Variants in DLL1 observed in about 807,000 individuals in gnomAD.
DLL1 encodes the protein delta-like protein 1.
Under a neutral mutation model 75.1 loss-of-function variants are expected in DLL1, and 9 were observed. The observed-to-expected ratio is 0.12, with a 90% CI of 0.07 to 0.21. DLL1 has a LOEUF of 0.21. Ranked by LOEUF, DLL1 falls within the 10% of genes least tolerant of loss-of-function variation. The probability of loss-of-function intolerance (pLI) is 1.00; values close to 1 mark genes in which losing one functional copy is unlikely to be tolerated. For missense variants in DLL1, 837 were observed against 1,007.6 expected (o/e 0.83, Z 2.29); for synonymous variants, 477 against 418.3 (o/e 1.14, Z -1.71).
rs1583158907 is a variant in DLL1, at chr6:170,290,824, G to A, written c.-685C>T. 8.1e-6 allele frequency: 5 copies of A among 617,208 alleles called. No homozygotes were observed. The highest frequency in any genetic ancestry group is 5.6e-5 in the South Asian group (3 of 53,444). 38.2% of individuals were successfully genotyped at this position (617,208 alleles called of 1,614,324 possible). ...CCATCCAGTACACACGCGCAGGACC[G>A]GAGGGGCCGGGCCGTGGGAGGAGGC... is the stretch of plus-strand genomic sequence containing the variant. On this transcript the variant is annotated 5_prime_UTR_variant, in exon 1 of 11. Coordinates refer to ENST00000366756, the MANE Select transcript of DLL1 (RefSeq NM_005618.4). This position sits in a 1 kb window ranked among gnomAD's most constrained non-coding sequence, Gnocchi z 4.7.
rs1322441846 is a variant in DLL1 at position 170,282,328 on chromosome 6, AT to A, written c.*545del. ...CATAAATACATTTATATACAAAAAA[AT>A]ATAGTCACATAGACCCGAAGTGCCT... On this transcript the variant is annotated 3_prime_UTR_variant, in exon 11 of 11. Transcript: ENST00000366756. 1 of 156,484 alleles carries A rather than the reference AT, an allele frequency of 6.4e-6. No homozygotes were observed. The highest frequency in any genetic ancestry group is 1.4e-5 in the Non-Finnish European group (1 of 70,422). 9.7% of individuals were successfully genotyped at this position (156,484 alleles called of 1,614,324 possible).
intron 2 of DLL1, chr6:170,289,088 G>T: frequency 1.7e-6 from 1 of 585,924 alleles, no homozygotes. Flanking sequence ...GGGTGGAAGA[G>T]GCCCGAGGGC....
In DLL1 at chr6:170,290,005, C is replaced by T; in HGVS notation, c.54+81G>A. ...TGGCGCGGCCCGTGCCGCTGTCCGC[C>T]CCTCCCCGCGCGCTCCTGCCCCGCG... On this transcript the variant is annotated intron_variant, in intron 1 of 10. Transcript: ENST00000366756. This position sits in a 1 kb window ranked among gnomAD's most constrained non-coding sequence, Gnocchi z 4.7. 7.3e-7 allele frequency: 1 copy of T among 1,373,382 alleles called. No homozygotes were observed. Among genetic ancestry groups the T allele is most frequent in the African/African-American group, 1.5e-5 (1 of 65,596 alleles). 85.1% of individuals were successfully genotyped at this position (1,373,382 alleles called of 1,614,324 possible).
In DLL1 at chr6:170,285,466, GA is replaced by G. The variant is rs776790249; in HGVS notation, c.863-44del. 41 of 1,614,148 alleles carry G rather than the reference GA, an allele frequency of 2.5e-5. 1 individual carries two copies. In the South Asian group the frequency reaches 3.5e-4, roughly 14 times the overall value. ...AGGAAAAGTAGGAGATAGGAAGCTCGACATCAAATGCAGGAAGACTTTATTT... is the reference window on the plus strand; with the variant it reads ...AGGAAAAGTAGGAGATAGGAAGCTCGCATCAAATGCAGGAAGACTTTATTT... On this transcript the variant is annotated intron_variant, in intron 6 of 10. Transcript: ENST00000366756.
chr6:170,288,589 G>A (rs1263440295), intron 3 of DLL1, 93 bp from the exon 4 acceptor site: 2 of 1,611,974 alleles, frequency 1.2e-6, no homozygotes, highest in Admixed American at 1.7e-5. Flanking sequence ...GCACGGGAAG[G>A]AGGCCCAAGC....
chr6:170,288,279 T>G lies in DLL1; in HGVS notation c.630A>C (p.Lys210Asn). The G allele has an allele frequency of 6.2e-7, 1 of 1,613,970 alleles. No individual in the cohort carries two copies. Among genetic ancestry groups the G allele is most frequent in the African/African-American group, 1.3e-5 (1 of 75,058 alleles). The stretch of plus-strand genomic sequence containing the variant: ...GCCCTTTCCAGCCAGGGTTGCACAC[T>G]TTCTCCCCACGCTCCCCACAGGTGA... The part of the protein sequence containing the change: ...GHFTCGERGE[K>N]VCNPGWKGPY... The change falls in exon 4 of 11, where the codon AAA (lysine) becomes AAC (asparagine). Residue 210 changes from lysine (K) to asparagine (N), a missense_variant. Transcript: ENST00000366756.
At chr6:170,288,153 G>GC in intron 4 of DLL1, 86 bp downstream of exon 4, 2 of 1,594,074 alleles carry the variant, frequency 1.3e-6, no homozygotes, top group South Asian at 1.1e-5. Context: ...ACAGTCCCAA[G>GC]CCCCCCGTGG....
At chr6:170,284,868 A>G in intron 8 of DLL1, 51 bp downstream of exon 8, 2 of 1,567,856 alleles carry the variant, frequency 1.3e-6, no homozygotes, top group Non-Finnish European at 1.8e-6. Context: ...ATGCCACCTC[A>G]GTATTGACCG....
rs778598707 is a variant in DLL1, at chr6:170,283,514, T to C, written c.1765A>G (p.Thr589Ala). 8.7e-6 allele frequency: 14 copies of C among 1,613,708 alleles called. No homozygotes were observed. In the South Asian group the frequency reaches 1.1e-4, roughly 13 times the overall value. ...PADPCRGETE[T>A]MNNLANCQRE... ...TGGCAGTTGGCCAGGTTGTTCATGG[T>C]CTCCGTCTCCCCCCGGCAGGGGTCG... is the stretch of plus-strand genomic sequence containing the variant. Residue 589 changes from threonine (T) to alanine (A), a missense_variant, in exon 9 of 11, where the codon ACC (threonine) becomes GCC (alanine). Transcript: ENST00000366756.
At chr6:170,285,759 T>C (rs1414784236) in intron 5 of DLL1, 60 bp from the exon 6 acceptor site, 1 of 1,608,476 alleles carries the variant, frequency 6.2e-7, no homozygotes, top group East Asian at 2.2e-5. Context: ...GCAGTGGACA[T>C]TCTCACCCTA....
intron 2 of DLL1, 87 bp downstream of exon 2, chr6:170,289,425 C>A: frequency 6.6e-7 from 1 of 1,510,316 alleles, no homozygotes; most frequent in Non-Finnish European, 8.8e-7. Context: ...GAGGTCCCGC[C>A]ACCGAGCGCC....
At chr6:170,287,190 C>T (rs1452215711) in intron 4 of DLL1, among the ~76,000 whole-genome samples, 4 of 152,224 alleles carry the variant, frequency 2.6e-5, no homozygotes, top group African/African-American at 9.6e-5. Context: ...CAGTAAGTTC[C>T]GGAGGGAATT....
At chr6:170,289,100 C>T (rs895807190) in intron 2 of DLL1, 4 of 581,512 alleles carry the variant, frequency 6.9e-6, no homozygotes. Context: ...CCCGAGGGCC[C>T]TTGTCATTTT....
intron 4 of DLL1, among the ~76,000 whole-genome samples, chr6:170,287,794 C>A (rs1235767200): frequency 6.6e-6 from 1 of 152,192 alleles, no homozygotes. Flanking sequence ...GTCAAGCACA[C>A]CAGCTCCAGA....
In DLL1 at chr6:170,283,214, C is replaced by T. The variant is rs201495913; in HGVS notation, c.2048+17G>A. ...CCCCCAGGTACCCCCTCCTGATGCC[C>T]GGCCCGCAGCACGCACCCCCTGAGT... On this transcript the variant is annotated intron_variant, in intron 9 of 10. Transcript: ENST00000366756. 2.5e-5 allele frequency: 41 copies of T among 1,612,784 alleles called. No individual in the cohort carries two copies. The highest frequency in any genetic ancestry group is 8.9e-5 in the East Asian group (4 of 44,860).
chr6:170,289,876 T>TG (rs1027438133), intron 1 of DLL1, 68 bp from the exon 2 acceptor site: 31 of 1,488,792 alleles, frequency 2.1e-5, no homozygotes, highest in Admixed American at 6.3e-5. Context: ...GAGGCCTGGG[T>TG]GGGGGGTGTG....
At chr6:170,285,209 G>A (rs759136324) in intron 7 of DLL1, 45 bp downstream of exon 7, 2 of 1,613,962 alleles carry the variant, frequency 1.2e-6, no homozygotes, top group South Asian at 2.2e-5. Flanking sequence ...TCAACACCAG[G>A]GCACCCCAGC....
At position 170,285,618 on chromosome 6, in the gene DLL1, G is replaced by A. The variant is rs151141942; in HGVS notation, c.813C>T (p.Pro271=). Reference sequence around the variant, plus strand: ...AGCCTTCCTGGCAGTTGCACTGCCAGGGCTGCTGGCAGGTGCCATGGAGAC... The same window carrying A: ...AGCCTTCCTGGCAGTTGCACTGCCAAGGCTGCTGGCAGGTGCCATGGAGAC... ...PGCLHGTCQQ[P]WQCNCQEGWG... The change falls in exon 6 of 11, where the codon CCC becomes CCT. Residue 271 remains proline, a synonymous_variant. Coordinates refer to ENST00000366756, the MANE Select transcript of DLL1 (RefSeq NM_005618.4). The A allele has an allele frequency of 4.6e-4, 744 of 1,614,082 alleles. 3 individuals are homozygous for A. The African/African-American group carries it at 6.8e-3, about 15-fold the overall frequency.
chr6:170,288,738 G>C lies in DLL1; in HGVS notation c.403C>G (p.Leu135Val). 2.5e-6 allele frequency: 4 copies of C among 1,614,190 alleles called. No individual in the cohort carries two copies. Among genetic ancestry groups the C allele is most frequent in the Non-Finnish European group, 3.4e-6 (4 of 1,180,032 alleles). Residue 135 changes from leucine to valine, a missense_variant, in exon 3 of 11, where the codon CTC becomes GTC. By Grantham distance (32) the Leu-to-Val change is conservative (BLOSUM62 1). Transcript: ENST00000366756. Reference sequence around the variant, plus strand: ...TGGGTTTTGTTTTTACCTGTTGCGAGGTCATCAGGAGAATCTGTGTGGAGA... The same window carrying C: ...TGGGTTTTGTTTTTACCTGTTGCGACGTCATCAGGAGAATCTGTGTGGAGA... ...EALHTDSPDDLATENPERLIS... is the reference protein window; with the variant it reads ...EALHTDSPDDVATENPERLIS...
Sources: allele counts gnomAD v4.1 joint callset (sites outside exome capture counted in the v4.1 genomes callset), GRCh38; gene constraint gnomAD v4.1.1; non-coding constraint Gnocchi (gnomAD v3.1); transcripts MANE v1.5; gene names NCBI Gene and HGNC (gene_info 2026-07-23, HGNC 2026-07-21).